CRTAM: variants seen among roughly 807,000 people sequenced by gnomAD.
CRTAM encodes cytotoxic and regulatory T-cell molecule.
Under a neutral mutation model 50.0 loss-of-function variants are expected in CRTAM, and 44 were observed. The observed-to-expected ratio is 0.88, with a 90% CI of 0.69 to 1.13. CRTAM has a LOEUF of 1.13. Ranked by LOEUF, CRTAM falls within the 50% of genes most tolerant of loss-of-function variation. The pLI is 0.00. For missense variants in CRTAM, 448 were observed against 457.5 expected, an observed-to-expected ratio of 0.98 and a Z score of 0.19; for synonymous variants, 159 against 169.3, an observed-to-expected ratio of 0.94 and a Z score of 0.47.
intron 1 of CRTAM, among the ~76,000 whole-genome samples, chr11:122,841,436 C>T (rs111370279): frequency 0.036 from 5,293 of 148,604 alleles, 322 homozygotes; most frequent in African/African-American, 0.12. Flanking sequence ...AGTCTTGCTC[C>T]GTCGCCCAGG....
At chr11:122,848,429 T>C (rs1360790477) in intron 1 of CRTAM, among the ~76,000 whole-genome samples, 2 of 152,240 alleles carry the variant, frequency 1.3e-5, no homozygotes, top group East Asian at 3.9e-4. Context: ...CCAGTGCTTT[T>C]TTTGGAAAGC....
At chr11:122,847,810 G>C (rs1286700105) in intron 1 of CRTAM, among the ~76,000 whole-genome samples, 1 of 152,206 alleles carries the variant, frequency 6.6e-6, no homozygotes, top group African/African-American at 2.4e-5. Flanking sequence ...TAGAGGCATA[G>C]CTTCTTTAAT....
intron 6 of CRTAM, 118 bp from the exon 7 acceptor site, chr11:122,864,518 T>C (rs1255529919): frequency 1.6e-6 from 1 of 629,528 alleles, no homozygotes; most frequent in Non-Finnish European, 2.9e-6. Context: ...ATGATCTCAG[T>C]ACTGTTTTTA....
chr11:122,843,555 T>A (rs1401946424), intron 1 of CRTAM, among the ~76,000 whole-genome samples: 1 of 152,124 alleles, frequency 6.6e-6, no homozygotes, highest in Non-Finnish European at 1.5e-5. Context: ...GACTAGGAAG[T>A]AGGTGTATGG....
At chr11:122,855,224 G>A (rs1387674674) in intron 4 of CRTAM, among the ~76,000 whole-genome samples, 9 of 152,130 alleles carry the variant, frequency 5.9e-5, no homozygotes, top group African/African-American at 1.4e-4. Context: ...GATTACAGGC[G>A]TGAGCCACTG....
chr11:122,847,621 C>G (rs866479759), intron 1 of CRTAM, among the ~76,000 whole-genome samples: 28 of 152,262 alleles, frequency 1.8e-4, no homozygotes, highest in African/African-American at 3.6e-4. Context: ...CTTAATAGAA[C>G]AAGGAAGTCC....
chr11:122,847,073 GACTAAGT>G (rs1189600024), intron 1 of CRTAM, among the ~76,000 whole-genome samples: 1 of 152,158 alleles, frequency 6.6e-6, no homozygotes, highest in Non-Finnish European at 1.5e-5. Flanking sequence ...GCTTACTATG[GACTAAGT>G]ACTACACTAG....
chr11:122,871,310 T>A lies in CRTAM; in HGVS notation c.1093T>A (p.Tyr365Asn), dbSNP rs774035052. 1 of 1,613,838 alleles carries A rather than the reference T, an allele frequency of 6.2e-7. No individual in the cohort carries two copies. Among genetic ancestry groups the A allele is most frequent in the Admixed American group, 1.7e-5 (1 of 60,022 alleles). Residue 365 changes from tyrosine (Y) to asparagine (N), a missense_variant, in exon 10 of 10, where the codon TAC becomes AAC. Physicochemically the swap from Tyr to Asn is moderately radical, Grantham distance 143 (BLOSUM62 -2). Transcript: ENST00000227348. ...TTGCATGAACTACATCACAAAGTTG[T>A]ACTCAGAAGCAAAAACAAAGAGGAA... ...MRCMNYITKL[Y>N]SEAKTKRKEN...
chr11:122,842,503 T>C (rs1176097812), intron 1 of CRTAM, among the ~76,000 whole-genome samples: 1 of 152,176 alleles, frequency 6.6e-6, no homozygotes, highest in Admixed American at 6.5e-5. Flanking sequence ...GGTCTCGAAC[T>C]CCTGACCTCA....
Position 122,861,470 on chromosome 11 carries a change from C to T in CRTAM, c.653-994C>T, listed in dbSNP as rs539751971. 6.2e-3 allele frequency among the ~76,000 whole-genome samples: 762 copies of T among 122,600 alleles called. 14 individuals carry two copies. Among genetic ancestry groups the T allele is most frequent in the African/African-American group, 0.023 (734 of 32,178 alleles). 80.4% of individuals were successfully genotyped at this position (122,600 alleles called of 152,430 possible). ...TTTTTTGAGAGGGAGTCTCCTCGCT[C>T]TGTCGCCCAGGCTTGAGTGCAGTGG... On this transcript the variant is annotated intron_variant, in intron 5 of 9. Transcript: ENST00000227348.
intron 1 of CRTAM, among the ~76,000 whole-genome samples, chr11:122,841,115 C>G (rs1354163757): frequency 1.3e-5 from 2 of 152,140 alleles, no homozygotes; most frequent in Non-Finnish European, 2.9e-5. Flanking sequence ...TTAAAATGTA[C>G]TAAAAATATT....
chr11:122,844,477 T>C (rs781557226), intron 1 of CRTAM, among the ~76,000 whole-genome samples: 2 of 152,244 alleles, frequency 1.3e-5, no homozygotes, highest in Non-Finnish European at 2.9e-5. Flanking sequence ...CTACTCTTTA[T>C]TCTATCATTG....
At chr11:122,856,363 C>T (rs563276696) in intron 5 of CRTAM, among the ~76,000 whole-genome samples, 2 of 152,304 alleles carry the variant, frequency 1.3e-5, no homozygotes, top group African/African-American at 4.8e-5. Flanking sequence ...GAGTTGAACA[C>T]CATTTTAAAC....
chr11:122,858,572 C>T (rs1321536251), intron 5 of CRTAM, among the ~76,000 whole-genome samples: 1 of 152,096 alleles, frequency 6.6e-6, no homozygotes, highest in African/African-American at 2.4e-5. Context: ...TTCTGTAGCC[C>T]AGGCTGGAGT....
At chr11:122,859,431 G>GAA (rs61564144) in intron 5 of CRTAM, among the ~76,000 whole-genome samples, 3,221 of 144,920 alleles carry the variant, frequency 0.022, 113 homozygotes, top group African/African-American at 0.073. Context: ...ATATTTTAAT[G>GAA]AAAAAAAAAG....
chr11:122,848,161 AC>A (rs1861889129), intron 1 of CRTAM, among the ~76,000 whole-genome samples: 1 of 152,236 alleles, frequency 6.6e-6, no homozygotes, highest in East Asian at 1.9e-4. Flanking sequence ...AGGCCAGGAC[AC>A]AAACTCCCTG....
In CRTAM at chr11:122,871,308, T is replaced by C; in HGVS notation, c.1091T>C (p.Leu364Ser). The change falls in exon 10 of 10, where the codon TTG becomes TCG. Residue 364 changes from leucine to serine, a missense_variant. Leu to Ser is a moderately radical substitution (Grantham distance 145). Coordinates refer to ENST00000227348, the MANE Select transcript of CRTAM (RefSeq NM_019604.4). ...PMRCMNYITKLYSEAKTKRKE... is the reference protein window; with the variant it reads ...PMRCMNYITKSYSEAKTKRKE... ...CGTTGCATGAACTACATCACAAAGT[T>C]GTACTCAGAAGCAAAAACAAAGAGG... 6.2e-7 allele frequency: 1 copy of C among 1,613,820 alleles called. No individual in the cohort carries two copies. Among genetic ancestry groups the C allele is most frequent in the Non-Finnish European group, 8.5e-7 (1 of 1,179,822 alleles).
chr11:122,841,412 T>A lies in CRTAM; in HGVS notation c.46+2820T>A, dbSNP rs1356556344. 2.6e-5 allele frequency among the ~76,000 whole-genome samples: 4 copies of A among 151,700 alleles called. No individual in the cohort carries two copies. In the East Asian group the frequency reaches 7.7e-4, roughly 29 times the overall value. ...ATATATACTTTTACTCTATTTTTTT[T>A]TTTTTTGAGACAGAGTCTTGCTCCG... On this transcript the variant is annotated intron_variant, in intron 1 of 9. Transcript: ENST00000227348.
At chr11:122,854,506 C>G (rs908439569) in intron 4 of CRTAM, among the ~76,000 whole-genome samples, 12 of 141,624 alleles carry the variant, frequency 8.5e-5, no homozygotes, top group African/African-American at 2.9e-4. Context: ...AACCTCGTCC[C>G]TACTAAAAAT....
Sources: allele counts gnomAD v4.1 joint callset (sites outside exome capture counted in the v4.1 genomes callset), GRCh38; gene constraint gnomAD v4.1.1; transcripts MANE v1.5; gene names NCBI Gene and HGNC (gene_info 2026-07-23, HGNC 2026-07-21).